The following P4HA2 variants were observed in gnomAD, a reference collection of about 807,000 sequenced individuals.
P4HA2 encodes the protein prolyl 4-hydroxylase subunit alpha-2.
In P4HA2, 46 loss-of-function variants were observed where a neutral mutation model predicts 76.9. That is an observed-to-expected ratio of 0.60 (90% CI 0.47 to 0.76). The LOEUF (loss-of-function observed/expected upper bound fraction) is 0.76, where lower values mean the gene tolerates loss of function less well. Ranked by LOEUF, P4HA2 falls within the 30% of genes least tolerant of loss-of-function variation. The pLI, the probability that P4HA2 is intolerant of heterozygous loss-of-function variation, is 0.00. For synonymous variants in P4HA2, 243 were observed against 254.0 expected, an observed-to-expected ratio of 0.96 and a Z score of 0.41; for missense variants, 583 against 669.4, an observed-to-expected ratio of 0.87 and a Z score of 1.42.
At chr5:132,208,317 C>T (rs185388380) in intron 7 of P4HA2, among the ~76,000 whole-genome samples, 31 of 125,646 alleles carry the variant, frequency 2.5e-4, no homozygotes, top group African/African-American at 7.9e-4. Context: ...AAAGAGGAAA[C>T]AGGAAAAAGA....
rs749867974 is a variant in P4HA2 at position 132,217,186 on chromosome 5, C to T, written c.331+11G>A. The T allele has an allele frequency of 3.1e-6, 5 of 1,612,908 alleles. No homozygotes were observed. Among genetic ancestry groups the T allele is most frequent in the Non-Finnish European group, 2.5e-6 (3 of 1,179,254 alleles). On this transcript the variant is annotated intron_variant, in intron 4 of 14. Transcript: ENST00000360568. ...ATGGGCTCACTCAAGCACCTGCTCA[C>T]CGTCCCTCACCTGCAGCTGAGTCCT...
At chr5:132,213,118 AT>A (rs1217193835) in intron 5 of P4HA2, among the ~76,000 whole-genome samples, 1 of 152,238 alleles carries the variant, frequency 6.6e-6, no homozygotes, top group Non-Finnish European at 1.5e-5. Context: ...AGAAGCAGAT[AT>A]CAGTATGCCA....
chr5:132,203,849 TG>T lies in P4HA2; in HGVS notation c.1152-3del. 2 of 1,611,024 alleles carry T rather than the reference TG, an allele frequency of 1.2e-6. No homozygotes were observed. Among genetic ancestry groups the T allele is most frequent in the Non-Finnish European group, 1.7e-6 (2 of 1,177,338 alleles). On this transcript the variant is annotated splice_region_variant and splice_polypyrimidine_tract_variant and intron_variant, in intron 9 of 14. Transcript: ENST00000360568. ...TCATCATCTTCCTCTAGCCAGGAGC[TG>T]GGCAAAAAGAAAAGGGCAGAGAAAA...
At chr5:132,212,355 G>GAGGTAGGAGACAAGTCAT in intron 5 of P4HA2, among the ~76,000 whole-genome samples, 1 of 152,160 alleles carries the variant, frequency 6.6e-6, no homozygotes, top group Non-Finnish European at 1.5e-5. Context: ...AGTCAGAATG[G>GAGGTAGGAGACAAGTCAT]TATTTTGATA....
chr5:132,222,316 C>T (rs1383349895), intron 1 of P4HA2, among the ~76,000 whole-genome samples: 1 of 152,170 alleles, frequency 6.6e-6, no homozygotes, highest in East Asian at 1.9e-4. Flanking sequence ...GGAGACCCTG[C>T]CACCAAAGCA....
chr5:132,215,574 C>A (rs569814448), intron 4 of P4HA2, among the ~76,000 whole-genome samples: 109 of 152,324 alleles, frequency 7.2e-4, no homozygotes, highest in African/African-American at 2.4e-3. Context: ...CCAGAGGCCA[C>A]CCTGCCCCCA....
chr5:132,206,659 T>C (rs1418282983), intron 8 of P4HA2, among the ~76,000 whole-genome samples: 2 of 152,158 alleles, frequency 1.3e-5, no homozygotes, highest in East Asian at 3.8e-4. Context: ...AAACATGGCA[T>C]ATATACAAAA....
At chr5:132,197,397 C>T (rs1224473271) in intron 12 of P4HA2, among the ~76,000 whole-genome samples, 3 of 152,020 alleles carry the variant, frequency 2.0e-5, no homozygotes, top group Admixed American at 6.6e-5. Flanking sequence ...CACCTGAGGT[C>T]GGGAGTTTGA....
At position 132,207,821 on chromosome 5, in the gene P4HA2, G is replaced by A. The variant is rs551859784; in HGVS notation, c.967C>T (p.Leu323Phe). ...TCCTCCTCTTTGAAGGGGGCAATGAGCAGCTGTGGGGCCCTGTTGCCATGG... is the reference window on the plus strand; with the variant it reads ...TCCTCCTCTTTGAAGGGGGCAATGAACAGCTGTGGGGCCCTGTTGCCATGG... ...YHHGNRAPQL[L>F]IAPFKEEDEW... Residue 323 changes from leucine to phenylalanine, a missense_variant, in exon 8 of 15, where the codon CTC (leucine) becomes TTC (phenylalanine). Coordinates refer to ENST00000360568, the MANE Select transcript of P4HA2 (RefSeq NM_001017974.2). The A allele has an allele frequency of 1.2e-6, 2 of 1,611,082 alleles. No individual in the cohort carries two copies. The highest frequency in any genetic ancestry group is 1.1e-5 in the South Asian group (1 of 90,478).
intron 14 of P4HA2, among the ~76,000 whole-genome samples, chr5:132,193,763 G>A (rs767802930): frequency 4.6e-5 from 7 of 152,164 alleles, no homozygotes; most frequent in South Asian, 2.1e-4. Context: ...ATCACCCCAC[G>A]CCATATCTTC....
intron 12 of P4HA2, among the ~76,000 whole-genome samples, chr5:132,197,556 C>T (rs572548965): frequency 1.7e-4 from 24 of 143,280 alleles, no homozygotes; most frequent in Non-Finnish European, 2.7e-4. Flanking sequence ...TGCAGTGAGC[C>T]GAGATCCCAC....
intron 5 of P4HA2, 126 bp from the exon 6 acceptor site, chr5:132,210,649 T>G: frequency 3.4e-6 from 3 of 888,120 alleles, no homozygotes; most frequent in Non-Finnish European, 5.5e-6. Context: ...CATCGGACAT[T>G]TAGACTGCAT....
At chr5:132,210,847 GAGA>G (rs766198883) in intron 5 of P4HA2, among the ~76,000 whole-genome samples, 11 of 152,224 alleles carry the variant, frequency 7.2e-5, no homozygotes, top group Admixed American at 2.0e-4. Context: ...GTGGACCACA[GAGA>G]AGAAGATGTC....
In P4HA2 at chr5:132,213,966, T is replaced by C. The variant is rs764211125; in HGVS notation, c.419A>G (p.Gln140Arg). The C allele has an allele frequency of 1.1e-5, 18 of 1,614,070 alleles. No individual in the cohort carries two copies. The East Asian group carries it at 3.6e-4, about 32-fold the overall frequency. ...IGAAKALMRL[Q>R]DTYRLDPGTI... ...GCCTGGGTCCAGCCTGTATGTGTCC[T>C]GAAGTCTCATCAGGGCTTTGGCAGC... is the stretch of plus-strand genomic sequence containing the variant. Residue 140 changes from glutamine (Q) to arginine (R), a missense_variant, in exon 5 of 15, where the codon CAG becomes CGG. Physicochemically the swap from Gln to Arg is conservative, Grantham distance 43. Transcript: ENST00000360568.
At chr5:132,209,595 C>A (rs747462783) in intron 6 of P4HA2, among the ~76,000 whole-genome samples, 1 of 152,000 alleles carries the variant, frequency 6.6e-6, no homozygotes, top group Admixed American at 6.6e-5. Context: ...CCAGCCTGAC[C>A]AACATGGTAA....
At chr5:132,213,317 T>C (rs1389839541) in intron 5 of P4HA2, among the ~76,000 whole-genome samples, 3 of 151,564 alleles carry the variant, frequency 2.0e-5, no homozygotes, top group Non-Finnish European at 4.4e-5. Flanking sequence ...AGTTCAGGAG[T>C]ATATGGGAAC....
chr5:132,227,835 C>A lies in P4HA2; in HGVS notation c.-64G>T, dbSNP rs1230123035. ...GCGTTTCCAGAACCTCCCGCGGCGTCGCCCGGTCAGCTCGGCGCCTCCTCC... is the reference window on the plus strand; with the variant it reads ...GCGTTTCCAGAACCTCCCGCGGCGTAGCCCGGTCAGCTCGGCGCCTCCTCC... On this transcript the variant is annotated 5_prime_UTR_variant, in exon 1 of 15. Transcript: ENST00000360568. 1 of 152,314 alleles carries A rather than the reference C, an allele frequency of 6.6e-6. No individual in the cohort carries two copies. Among genetic ancestry groups the A allele is most frequent in the African/African-American group, 2.4e-5 (1 of 41,458 alleles). The allele number at this position is 152,314 out of a possible 1,614,324, so 9.4% of individuals were successfully genotyped here. A position where few individuals can be genotyped will look rare whatever the true frequency, so the allele number is the denominator to read the frequency against.
In P4HA2 at chr5:132,217,859, G is replaced by A. The variant is rs771777520; in HGVS notation, c.83-11C>T. 13 of 1,546,822 alleles carry A rather than the reference G, an allele frequency of 8.4e-6. No homozygotes were observed. In the African/African-American group the frequency reaches 1.6e-4, roughly 20 times the overall value. On this transcript the variant is annotated splice_polypyrimidine_tract_variant and intron_variant, in intron 2 of 14. Coordinates refer to ENST00000360568, the MANE Select transcript of P4HA2 (RefSeq NM_001017974.2). ...GGTCAGTCATGTGCCCTGCAAGGGA[G>A]AGAAGAAAGACACCAGTGAGAAACA...
In P4HA2 at chr5:132,194,921, C is replaced by T. The variant is rs773614183; in HGVS notation, c.1531+5G>A. ...AACACCAACACTACCCCTTAAGACA[C>T]TCACCCCACTTGCAGCCCACAAGCA... On this transcript the variant is annotated splice_donor_5th_base_variant and intron_variant, in intron 14 of 14. Coordinates refer to ENST00000360568, the MANE Select transcript of P4HA2 (RefSeq NM_001017974.2). 3.5e-5 allele frequency: 56 copies of T among 1,600,848 alleles called. No homozygotes were observed. Among genetic ancestry groups the T allele is most frequent in the Non-Finnish European group, 4.7e-5 (55 of 1,167,944 alleles).
Sources: gnomAD v4.1 joint callset for allele counts (sites outside exome capture counted in the v4.1 genomes callset) on GRCh38, gnomAD v4.1.1 for gene constraint, MANE v1.5 for transcripts, NCBI Gene and HGNC (gene_info 2026-07-23, HGNC 2026-07-21) for gene names.